MTUS2: variants seen among roughly 807,000 people sequenced by gnomAD.
MTUS2 encodes the protein microtubule associated scaffold protein 2, also known as microtubule-associated tumor suppressor candidate 2.
A neutral mutation model predicts 114.1 loss-of-function variants in MTUS2; 40 were observed. The ratio of observed to expected loss-of-function variants is 0.35; its 90% confidence interval spans 0.27 to 0.46. The LOEUF is 0.46. MTUS2 is among the 20% of genes least tolerant of loss of function. The pLI is 1.00. For missense variants in MTUS2, 1,679 were observed against 1,705.4 expected, an observed-to-expected ratio of 0.98 and a Z score of 0.27; for synonymous variants, 688 against 672.0, an observed-to-expected ratio of 1.02 and a Z score of -0.37.
chr13:29,130,287 C>T (rs556015458), intron 5 of MTUS2, among the ~76,000 whole-genome samples: 1 of 152,302 alleles, frequency 6.6e-6, no homozygotes, highest in East Asian at 1.9e-4. Context: ...CTGGACACCA[C>T]AGCCCCATGT....
intron 2 of MTUS2, among the ~76,000 whole-genome samples, chr13:28,840,614 G>A (rs1875408279): frequency 6.6e-6 from 1 of 152,188 alleles, no homozygotes; most frequent in African/African-American, 2.4e-5. Context: ...TAAACGAGTA[G>A]AGAGATGCTC....
At chr13:29,410,445 C>G (rs1056495906) in intron 8 of MTUS2, among the ~76,000 whole-genome samples, 2 of 152,098 alleles carry the variant, frequency 1.3e-5, no homozygotes, top group Admixed American at 6.5e-5. Flanking sequence ...TTAGTTGCAG[C>G]CAAGTAGGTG....
chr13:29,315,780 C>G (rs1329358443), intron 6 of MTUS2, among the ~76,000 whole-genome samples: 1 of 152,048 alleles, frequency 6.6e-6, no homozygotes, highest in African/African-American at 2.4e-5. Flanking sequence ...GAGGTGAAGA[C>G]AGAAGGAGAC....
Position 29,324,593 on chromosome 13 carries a change from T to C in MTUS2, c.2807-20T>C. On this transcript the variant is annotated intron_variant, in intron 6 of 15. Coordinates refer to ENST00000612955, the MANE Select transcript of MTUS2 (RefSeq NM_001033602.4). ...AAGTAGCTTACTTTCTACCTATTTC[T>C]CTTTTCCAACTATACACAGGAACAA... is the stretch of plus-strand genomic sequence containing the variant. The C allele has an allele frequency of 6.5e-7, 1 of 1,542,826 alleles. No homozygotes were observed. Among genetic ancestry groups the C allele is most frequent in the Non-Finnish European group, 8.8e-7 (1 of 1,135,156 alleles).
At chr13:29,242,265 T>G (rs989369108) in intron 5 of MTUS2, among the ~76,000 whole-genome samples, 1 of 152,196 alleles carries the variant, frequency 6.6e-6, no homozygotes, top group African/African-American at 2.4e-5. Flanking sequence ...CCCCAGCTAG[T>G]AATCTACTGT....
intron 2 of MTUS2, among the ~76,000 whole-genome samples, chr13:29,008,203 C>T (rs1885684156): frequency 6.6e-6 from 1 of 152,144 alleles, no homozygotes; most frequent in African/African-American, 2.4e-5. Context: ...CAACAGAGCC[C>T]CATCTCCTGC....
intron 2 of MTUS2, among the ~76,000 whole-genome samples, chr13:28,928,293 A>T (rs186555808): frequency 6.6e-6 from 1 of 152,234 alleles, no homozygotes; most frequent in Non-Finnish European, 1.5e-5. Flanking sequence ...ATAGCAAGGG[A>T]AACAAGCAAC....
At chr13:28,874,065 C>G (rs907568109) in intron 2 of MTUS2, among the ~76,000 whole-genome samples, 20 of 152,290 alleles carry the variant, frequency 1.3e-4, no homozygotes, top group African/African-American at 4.6e-4. Context: ...GTCGCCCAGG[C>G]TGGAGTGCAG....
At chr13:29,380,380 A>G (rs1872112524) in intron 8 of MTUS2, among the ~76,000 whole-genome samples, 1 of 152,228 alleles carries the variant, frequency 6.6e-6, no homozygotes, top group Admixed American at 6.5e-5. Flanking sequence ...ATTTGAAGCA[A>G]CATATGTAAA....
chr13:29,045,738 T>C (rs1300258612), intron 4 of MTUS2, among the ~76,000 whole-genome samples: 1 of 152,144 alleles, frequency 6.6e-6, no homozygotes, highest in African/African-American at 2.4e-5. Context: ...TCAAAGAAAA[T>C]CAACTGAAAT....
rs554116942 is a variant in MTUS2 at position 29,491,005 on chromosome 13, G to C, written c.3506-1641G>C. 5.6e-3 allele frequency among the ~76,000 whole-genome samples: 816 copies of C among 144,670 alleles called. 8 individuals are homozygous for C. The highest frequency in any genetic ancestry group is 8.8e-3 in the Non-Finnish European group (584 of 66,474). The allele number at this position is 144,670 out of a possible 152,430, so 94.9% of individuals were successfully genotyped here. On this transcript the variant is annotated intron_variant, in intron 11 of 15. Transcript: ENST00000612955. ...TGTGGATGTGTGTGTGTGTGTGTGT[G>C]TGGTGTGGGAGGTATGGGGGGATGC...
chr13:28,900,596 C>T (rs1011027274), intron 2 of MTUS2, among the ~76,000 whole-genome samples: 2 of 152,094 alleles, frequency 1.3e-5, no homozygotes, highest in East Asian at 3.9e-4. Flanking sequence ...AACATTATTC[C>T]AAGTTGTTGT....
intron 5 of MTUS2, among the ~76,000 whole-genome samples, chr13:29,191,659 G>A (rs144381423): frequency 2.6e-4 from 40 of 152,282 alleles, no homozygotes; most frequent in African/African-American, 8.7e-4. Context: ...GCCAGATGCT[G>A]ACTCCTGGAG....
chr13:28,853,350 A>G (rs1387270391), intron 2 of MTUS2, among the ~76,000 whole-genome samples: 1 of 152,266 alleles, frequency 6.6e-6, no homozygotes, highest in Non-Finnish European at 1.5e-5. Flanking sequence ...CCTACTGGTT[A>G]CATATTCCTC....
chr13:29,033,873 C>T lies in MTUS2; in HGVS notation c.2206-12C>T, dbSNP rs748252697. 1.2e-6 allele frequency: 2 copies of T among 1,613,358 alleles called. No individual in the cohort carries two copies. Among genetic ancestry groups the T allele is most frequent in the African/African-American group, 1.3e-5 (1 of 74,890 alleles). ...GAAGGTCTCTGATTGAGTTTTTGTT[C>T]ATTTATCATAGGTTACAGACCACCC... On this transcript the variant is annotated splice_polypyrimidine_tract_variant and intron_variant, in intron 3 of 15. Transcript: ENST00000612955.
rs1346248589 is a variant in MTUS2 at position 29,100,902 on chromosome 13, G to T, written c.2576G>T (p.Ser859Ile). The T allele has an allele frequency of 7.0e-6, 11 of 1,572,420 alleles. No homozygotes were observed. The highest frequency in any genetic ancestry group is 9.5e-6 in the Non-Finnish European group (11 of 1,158,714). Residue 859 changes from serine (S) to isoleucine (I), a missense_variant, in exon 5 of 16, where the codon AGC (serine) becomes ATC (isoleucine). By Grantham distance (142) the Ser-to-Ile change is moderately radical (BLOSUM62 -2). This residue lies in a region of MTUS2 where 822 missense variants were observed against 899.7 expected (regional missense o/e 0.91). Coordinates refer to ENST00000612955, the MANE Select transcript of MTUS2 (RefSeq NM_001033602.4). ...GCATTTGGCTTTGTCCGGAGCTCCA[G>T]CGTCTCCTCAGTCTCCAGCACCCAG... ...LAAFGFVRSS[S>I]VSSVSSTQSG...
intron 6 of MTUS2, among the ~76,000 whole-genome samples, chr13:29,289,003 T>TA (rs760703089): frequency 5.5e-4 from 84 of 151,804 alleles, no homozygotes; most frequent in Non-Finnish European, 9.1e-4. Context: ...TAGCTGGGTT[T>TA]AAAAAAAAAT....
intron 8 of MTUS2, among the ~76,000 whole-genome samples, chr13:29,397,561 A>G (rs1409656809): frequency 6.6e-6 from 1 of 152,216 alleles, no homozygotes; most frequent in African/African-American, 2.4e-5. Context: ...GCATTCTAGC[A>G]AGAGCCCCAG....
chr13:29,389,578 T>C (rs1427027815), intron 8 of MTUS2, among the ~76,000 whole-genome samples: 2 of 115,922 alleles, frequency 1.7e-5, no homozygotes, highest in East Asian at 4.6e-4. Flanking sequence ...TACATATGTG[T>C]GTATACGTAT....
Sources: allele counts gnomAD v4.1 joint callset (sites outside exome capture counted in the v4.1 genomes callset), GRCh38; gene constraint gnomAD v4.1.1; regional missense constraint gnomAD v4.1.1; transcripts MANE v1.5; gene names NCBI Gene and HGNC (gene_info 2026-07-23, HGNC 2026-07-21).